The following SLC4A5 variants were observed in gnomAD, a reference collection of about 807,000 sequenced individuals.
SLC4A5 encodes electrogenic sodium bicarbonate cotransporter 4.
In SLC4A5, 96 loss-of-function variants were observed where a neutral mutation model predicts 120.4. The observed-to-expected ratio is 0.80, with a 90% CI of 0.68 to 0.94. The LOEUF (loss-of-function observed/expected upper bound fraction) is 0.94, where lower values mean the gene tolerates loss of function less well. SLC4A5 is among the 40% of genes least tolerant of loss of function. The pLI is 0.00. For missense variants in SLC4A5, 1,259 were observed against 1,459.5 expected (o/e 0.86, Z 2.24); for synonymous variants, 550 against 571.1 (o/e 0.96, Z 0.53).
intron 22 of SLC4A5, 120 bp from the exon 23 acceptor site, chr2:74,233,683 A>G: frequency 4.1e-6 from 5 of 1,224,290 alleles, no homozygotes; most frequent in Non-Finnish European, 5.5e-6. Context: ...TTCAAGTGCA[A>G]TCTTTTCCCT....
intron 8 of SLC4A5, among the ~76,000 whole-genome samples, chr2:74,280,564 G>T (rs1051736502): frequency 1.3e-5 from 2 of 152,204 alleles, no homozygotes; most frequent in Non-Finnish European, 2.9e-5. Flanking sequence ...CCTTCAAACT[G>T]AGTGGGCAGC....
At chr2:74,317,910 A>T (rs1419290900) in intron 5 of SLC4A5, among the ~76,000 whole-genome samples, 1 of 152,254 alleles carries the variant, frequency 6.6e-6, no homozygotes, top group African/African-American at 2.4e-5. Flanking sequence ...ACTTCAAAAC[A>T]TGAACAGCCA....
At chr2:74,299,914 G>A (rs923644153) in intron 7 of SLC4A5, among the ~76,000 whole-genome samples, 2 of 152,146 alleles carry the variant, frequency 1.3e-5, no homozygotes, top group Admixed American at 6.5e-5. Context: ...AGATACCCAC[G>A]TGCCCATGTT....
In SLC4A5 at chr2:74,307,476, C is replaced by T. The variant is rs562033902; in HGVS notation, c.80-2796G>A. 167 of 625,324 alleles carry T rather than the reference C, an allele frequency of 2.7e-4. 1 individual carries two copies. The highest frequency in any genetic ancestry group is 2.3e-3 in the South Asian group (162 of 69,318). The allele number at this position is 625,324 out of a possible 1,614,324, so 38.7% of individuals were successfully genotyped here. ...GACCTTGTGGAGCCCACGGATGTCG[C>T]TCTCTACAGACTAGCGCATGGCCAG... On this transcript the variant is annotated intron_variant, in intron 6 of 30. Transcript: ENST00000394019.
chr2:74,303,367 T>C (rs1672535044), intron 7 of SLC4A5, among the ~76,000 whole-genome samples: 1 of 152,118 alleles, frequency 6.6e-6, no homozygotes, highest in South Asian at 2.1e-4. Flanking sequence ...TCACTGCCTC[T>C]GACACTCCTT....
At chr2:74,283,545 TG>T (rs1471660493) in intron 8 of SLC4A5, among the ~76,000 whole-genome samples, 8 of 152,068 alleles carry the variant, frequency 5.3e-5, no homozygotes, top group African/African-American at 1.9e-4. Context: ...GGGGAAAACC[TG>T]GGGGTGTCCA....
chr2:74,232,857 G>C (rs1011929194), intron 23 of SLC4A5, among the ~76,000 whole-genome samples: 2 of 152,212 alleles, frequency 1.3e-5, no homozygotes, highest in African/African-American at 4.8e-5. Context: ...GGTCATAGAA[G>C]AGAGGGATGT....
chr2:74,235,132 G>T (rs1408534272), exon 22 of SLC4A5: 1 of 1,614,156 alleles, frequency 6.2e-7, no homozygotes, highest in Non-Finnish European at 8.5e-7. Context: ...CAGCTTGGGA[G>T]TTTCTAGGCC....
At chr2:74,335,650 G>A (rs1292635351) in intron 3 of SLC4A5, among the ~76,000 whole-genome samples, 2 of 152,224 alleles carry the variant, frequency 1.3e-5, no homozygotes, top group African/African-American at 4.8e-5. Flanking sequence ...ACATCTGGGA[G>A]CTGATTAACT....
chr2:74,293,288 C>G (rs921762668), intron 7 of SLC4A5, among the ~76,000 whole-genome samples: 1 of 152,172 alleles, frequency 6.6e-6, no homozygotes, highest in Non-Finnish European at 1.5e-5. Flanking sequence ...AGAGAATCTG[C>G]TGACTTGCTG....
chr2:74,252,453 A>G, intron 15 of SLC4A5, 65 bp from the exon 16 acceptor site: 1 of 1,548,362 alleles, frequency 6.5e-7, no homozygotes. Flanking sequence ...TCCAACCAAA[A>G]TTATGAAATA....
At chr2:74,236,152 ATGTC>A (rs1670263079) in intron 21 of SLC4A5, among the ~76,000 whole-genome samples, 1 of 152,142 alleles carries the variant, frequency 6.6e-6, no homozygotes, top group Non-Finnish European at 1.5e-5. Flanking sequence ...TCTATCCACT[ATGTC>A]TGCTTGATTT....
intron 8 of SLC4A5, among the ~76,000 whole-genome samples, chr2:74,270,639 C>A (rs959964348): frequency 3.9e-5 from 6 of 152,208 alleles, no homozygotes; most frequent in Admixed American, 3.9e-4. Flanking sequence ...TGCCACTGCA[C>A]TCCAACCTGG....
At chr2:74,343,150 C>G (rs3755443) in intron 1 of SLC4A5, among the ~76,000 whole-genome samples, 32,020 of 152,096 alleles carry the variant, frequency 0.21, 4,757 homozygotes, top group East Asian at 0.47. Context: ...TGTTGGAATA[C>G]TTATAGATTA....
chr2:74,325,192 G>C (rs984720554), intron 5 of SLC4A5, among the ~76,000 whole-genome samples: 7 of 152,154 alleles, frequency 4.6e-5, no homozygotes, highest in African/African-American at 1.7e-4. Context: ...AAGTACTATG[G>C]ATTCTCAGAT....
At chr2:74,266,723 C>A (rs990794240) in intron 8 of SLC4A5, among the ~76,000 whole-genome samples, 1 of 152,126 alleles carries the variant, frequency 6.6e-6, no homozygotes, top group South Asian at 2.1e-4. Flanking sequence ...TGCAAATATA[C>A]TAGAAGAGAA....
chr2:74,334,085 C>A (rs1673428246), exon 4 of SLC4A5: 1 of 152,182 alleles, frequency 6.6e-6, no homozygotes, highest in African/African-American at 2.4e-5. Flanking sequence ...GCAGGTGGTA[C>A]AATATTGGCT....
chr2:74,299,486 C>A (rs1447997516), intron 7 of SLC4A5, among the ~76,000 whole-genome samples: 1 of 152,212 alleles, frequency 6.6e-6, no homozygotes, highest in Non-Finnish European at 1.5e-5. Context: ...GAGCCCTCCC[C>A]AACCATGTGG....
At chr2:74,321,879 G>C (rs1398054081) in intron 5 of SLC4A5, among the ~76,000 whole-genome samples, 3 of 151,854 alleles carry the variant, frequency 2.0e-5, no homozygotes, top group Admixed American at 2.0e-4. Context: ...CTGAGTTTAG[G>C]AATAGTCATG....
Sources: gnomAD v4.1 joint callset for allele counts (sites outside exome capture counted in the v4.1 genomes callset) on GRCh38, gnomAD v4.1.1 for gene constraint, MANE v1.5 for transcripts, NCBI Gene and HGNC (gene_info 2026-07-23, HGNC 2026-07-21) for gene names.